Variants in PACSIN2 observed in about 807,000 individuals in gnomAD.
PACSIN2 encodes the protein protein kinase C and casein kinase substrate in neurons protein 2.
Under a neutral mutation model 63.8 loss-of-function variants are expected in PACSIN2, and 25 were observed. The ratio of observed to expected loss-of-function variants is 0.39; its 90% CI spans 0.29 to 0.55. The LOEUF is 0.55. Among genes scored for constraint, PACSIN2 ranks in the 20% least tolerant of loss-of-function variants. The pLI is 0.62. For synonymous variants in PACSIN2, 255 were observed against 256.2 expected, an observed-to-expected ratio of 1.00 and a Z score of 0.05; for missense variants, 518 against 646.9, an observed-to-expected ratio of 0.80 and a Z score of 2.16.
At chr22:42,898,420 C>T (rs1323084509) in intron 2 of PACSIN2, among the ~76,000 whole-genome samples, 3 of 151,986 alleles carry the variant, frequency 2.0e-5, no homozygotes, top group Admixed American at 6.5e-5. Flanking sequence ...TACAGACATG[C>T]GCCACCACGC....
chr22:42,997,960 G>A (rs1182744323), intron 1 of PACSIN2, among the ~76,000 whole-genome samples: 1 of 152,188 alleles, frequency 6.6e-6, no homozygotes, highest in African/African-American at 2.4e-5. Flanking sequence ...AGTGACCACC[G>A]TTAGGTGAGC....
chr22:42,882,411 T>C (rs762573548), intron 6 of PACSIN2, 107 bp from the exon 7 acceptor site: 6 of 1,314,220 alleles, frequency 4.6e-6, no homozygotes, highest in South Asian at 1.4e-5. Context: ...CCTCTGTGAG[T>C]TGGTTTCACA....
rs115903478 is a variant in PACSIN2 at position 42,992,902 on chromosome 22, A to T, written c.-78+22119T>A. ...ATACTGGCCGGAAGTGGTGGCTCAC[A>T]CCTGTAATCCTAGCACTCTGGGAGG... On this transcript the variant is annotated intron_variant, in intron 1 of 10. Transcript: ENST00000263246. Among the ~76,000 whole-genome samples the T allele has an allele frequency of 2.5e-3, 381 of 152,346 alleles. 1 individual carries two copies. Among genetic ancestry groups the T allele is most frequent in the African/African-American group, 8.9e-3 (368 of 41,580 alleles).
At chr22:42,887,681 C>T (rs1929594727) in intron 5 of PACSIN2, among the ~76,000 whole-genome samples, 1 of 152,164 alleles carries the variant, frequency 6.6e-6, no homozygotes, top group Non-Finnish European at 1.5e-5. Flanking sequence ...GAGCCCCTCC[C>T]TTCCTGTGAA....
chr22:42,904,932 A>G (rs953011094), intron 2 of PACSIN2, among the ~76,000 whole-genome samples: 1 of 152,246 alleles, frequency 6.6e-6, no homozygotes, highest in Non-Finnish European at 1.5e-5. Flanking sequence ...CATGGAGCTA[A>G]GCCCACCACA....
At chr22:42,940,455 T>A (rs530109687) in intron 1 of PACSIN2, among the ~76,000 whole-genome samples, 1 of 152,258 alleles carries the variant, frequency 6.6e-6, no homozygotes, top group South Asian at 2.1e-4. Context: ...CTCTCAAACT[T>A]CCTCCTCAAT....
intron 1 of PACSIN2, among the ~76,000 whole-genome samples, chr22:42,971,802 G>T (rs1488859786): frequency 7.0e-6 from 1 of 143,728 alleles, no homozygotes; most frequent in East Asian, 1.9e-4. Context: ...GGAGGGAGGT[G>T]GGGGGCAGCC....
chr22:42,922,620 T>C (rs531238410), intron 1 of PACSIN2, among the ~76,000 whole-genome samples: 2 of 152,330 alleles, frequency 1.3e-5, no homozygotes, highest in South Asian at 2.1e-4. Flanking sequence ...CTCTTCACTA[T>C]CTGGGGGGAG....
At chr22:42,903,832 A>C (rs1365822649) in intron 2 of PACSIN2, among the ~76,000 whole-genome samples, 1 of 152,066 alleles carries the variant, frequency 6.6e-6, no homozygotes, top group Non-Finnish European at 1.5e-5. Context: ...TTCTGTCTCA[A>C]CTTGGGGTTT....
At chr22:42,995,688 G>A (rs1923347304) in intron 1 of PACSIN2, among the ~76,000 whole-genome samples, 1 of 152,164 alleles carries the variant, frequency 6.6e-6, no homozygotes, top group South Asian at 2.1e-4. Flanking sequence ...GTAACTTCAA[G>A]TGCCTATAAT....
rs117923688 is a variant in PACSIN2 at position 42,891,165 on chromosome 22, C to G, written c.235G>C (p.Val79Leu). 1.2e-5 allele frequency: 20 copies of G among 1,613,520 alleles called. No homozygotes were observed. In the Admixed American group the frequency reaches 2.8e-4, roughly 23 times the overall value. ...ATGAAGGCCATCCAGGCCTTCTCCA[C>G]GGTCCCGTACTGGGGCCCTGTGCAG... ...LVEKGPQYGT[V>L]EKAWMAFMSE... is the part of the protein sequence containing the mutation. The change falls in exon 4 of 11, where the codon GTG becomes CTG. Residue 79 changes from valine to leucine, a missense_variant. Val to Leu is a conservative substitution (Grantham distance 32). Transcript: ENST00000263246.
At chr22:42,998,976 C>T (rs1484650381) in intron 1 of PACSIN2, among the ~76,000 whole-genome samples, 1 of 152,208 alleles carries the variant, frequency 6.6e-6, no homozygotes, top group Non-Finnish European at 1.5e-5. Context: ...GCTCCCCATC[C>T]TGCTGAGAGC....
At chr22:42,980,509 T>G in intron 1 of PACSIN2, among the ~76,000 whole-genome samples, 1 of 66,836 alleles carries the variant, frequency 1.5e-5, no homozygotes. Flanking sequence ...CCTCTCCCTC[T>G]CCCTCCACGG....
In PACSIN2 at chr22:42,884,664, G is replaced by GA. The variant is rs113108334; in HGVS notation, c.610-104dup. 8.8e-6 allele frequency: 7 copies of GA among 797,370 alleles called. No homozygotes were observed. The African/African-American group carries it at 1.2e-4, about 14-fold the overall frequency. The allele number at this position is 797,370 out of a possible 1,614,324, so 49.4% of individuals were successfully genotyped here. Reference sequence around the variant, plus strand: ...GGCCTTCCCAGATTCCAAATGCAAAGAAAAAACAGGAGCTCTGGATTCTGA... The same window carrying GA: ...GGCCTTCCCAGATTCCAAATGCAAAGAAAAAAACAGGAGCTCTGGATTCTGA... On this transcript the variant is annotated intron_variant, in intron 5 of 10. Transcript: ENST00000263246.
chr22:42,888,645 T>G lies in PACSIN2; in HGVS notation c.607A>C (p.Lys203Gln), dbSNP rs2146663893. 1 of 1,614,216 alleles carries G rather than the reference T, an allele frequency of 6.2e-7. No individual in the cohort carries two copies. The highest frequency in any genetic ancestry group is 2.2e-5 in the East Asian group (1 of 44,894). ...KIEKCKQDVL[K>Q]TKEKYEKSLK... ...GTAAAAACAAGTGTACAGTTTACCT[T>G]AAGAACATCTTGCTTGCACTTTTCT... The change falls in exon 5 of 11, where the codon AAG (lysine) becomes CAG (glutamine). Residue 203 changes from lysine (K) to glutamine (Q), a missense_variant and splice_region_variant. Around this residue, in one of 2 missense-constraint regions of PACSIN2, gnomAD observed 507 missense variants for 612.3 expected, o/e 0.83. Coordinates refer to ENST00000263246, the MANE Select transcript of PACSIN2 (RefSeq NM_001184970.3).
At chr22:42,983,316 C>CAAAAAAA (rs1180708676) in intron 1 of PACSIN2, among the ~76,000 whole-genome samples, 34 of 63,650 alleles carry the variant, frequency 5.3e-4, no homozygotes, top group African/African-American at 1.9e-3. Flanking sequence ...GACTCCATCT[C>CAAAAAAA]AAAAAAAAAA....
At chr22:43,009,856 A>C (rs967513751) in intron 1 of PACSIN2, among the ~76,000 whole-genome samples, 186 of 110,874 alleles carry the variant, frequency 1.7e-3, no homozygotes, top group Middle Eastern at 5.3e-3. Context: ...ACATCATTTT[A>C]TTTTTTCTAT....
intron 1 of PACSIN2, among the ~76,000 whole-genome samples, chr22:42,924,939 G>A (rs1932440970): frequency 6.6e-6 from 1 of 151,406 alleles, no homozygotes; most frequent in African/African-American, 2.4e-5. Context: ...TATATTTTTG[G>A]TAGAGACGGG....
At chr22:42,986,932 A>G (rs925467112) in intron 1 of PACSIN2, among the ~76,000 whole-genome samples, 7 of 152,110 alleles carry the variant, frequency 4.6e-5, no homozygotes, top group African/African-American at 1.7e-4. Flanking sequence ...AGCCCCTAAG[A>G]TCCCCTTCTT....
Sources: allele counts gnomAD v4.1 joint callset (sites outside exome capture counted in the v4.1 genomes callset), GRCh38; gene constraint gnomAD v4.1.1; regional missense constraint gnomAD v4.1.1; transcripts MANE v1.5; gene names NCBI Gene and HGNC (gene_info 2026-07-23, HGNC 2026-07-21).